RTL4: variants seen among roughly 807,000 people sequenced by gnomAD.
RTL4 encodes the protein retrotransposon Gag-like protein 4.
RTL4 carries 4 observed loss-of-function variants against 5.3 expected under a neutral mutation model. The observed-to-expected ratio is 0.75, with a 90% CI of 0.37 to 1.72. RTL4 has a LOEUF of 1.72. Among genes scored for constraint, RTL4 ranks in the 40% most tolerant of loss-of-function variants. The pLI is 0.04. For missense variants in RTL4, 260 were observed against 227.1 expected (o/e 1.14, Z -0.93); for synonymous variants, 98 against 87.3 (o/e 1.12, Z -0.68).
At chrX:112,264,023 G>C in the RTL4 span, among the ~76,000 whole-genome samples, 1 of 111,527 alleles carries the variant, frequency 9.0e-6, no homozygotes, top group South Asian at 3.8e-4. Flanking sequence ...CCTGATGGAT[G>C]GACTTGATTT....
At chrX:112,085,449 G>A in the RTL4 span, among the ~76,000 whole-genome samples, 1 of 112,139 alleles carries the variant, frequency 8.9e-6, no homozygotes, top group East Asian at 2.8e-4. Context: ...ATGTAACATC[G>A]TAGGTGAAGA....
chrX:112,408,482 G>T, the RTL4 span, among the ~76,000 whole-genome samples: 1 of 101,631 alleles, frequency 9.8e-6, no homozygotes, highest in Non-Finnish European at 2.0e-5. Flanking sequence ...ATAAAAAAAA[G>T]AATTAAAAAA....
chrX:112,169,417 G>A, the RTL4 span, among the ~76,000 whole-genome samples: 1 of 111,194 alleles, frequency 9.0e-6, no homozygotes, highest in Non-Finnish European at 1.9e-5. Flanking sequence ...CCTGGCCCTT[G>A]AATTATTTCT....
At chrX:112,380,745 G>C in the RTL4 span, among the ~76,000 whole-genome samples, 1 of 112,374 alleles carries the variant, frequency 8.9e-6, no homozygotes, top group Non-Finnish European at 1.9e-5. Flanking sequence ...CATCTTCTTA[G>C]CGTCGGGCAG....
At chrX:112,226,600 GATGTAAA>G in the RTL4 span, among the ~76,000 whole-genome samples, 1 of 111,518 alleles carries the variant, frequency 9.0e-6, no homozygotes, top group African/African-American at 3.3e-5. Flanking sequence ...AGTTTTCATA[GATGTAAA>G]ATGGGGGTAA....
At chrX:112,160,715 C>T in the RTL4 span, among the ~76,000 whole-genome samples, 2 of 110,660 alleles carry the variant, frequency 1.8e-5, no homozygotes, top group Admixed American at 9.7e-5. Flanking sequence ...AAGTTTGTTA[C>T]TGAATTAGAA....
At chrX:112,359,403 A>G in the RTL4 span, among the ~76,000 whole-genome samples, 2 of 110,562 alleles carry the variant, frequency 1.8e-5, no homozygotes, top group Non-Finnish European at 3.8e-5. Context: ...CCCACTTTCC[A>G]CCCCCTGACT....
At chrX:112,393,831 T>A in the RTL4 span, among the ~76,000 whole-genome samples, 1 of 111,936 alleles carries the variant, frequency 8.9e-6, no homozygotes, top group African/African-American at 3.3e-5. Flanking sequence ...TACAGACTGT[T>A]GCTGCTCAGC....
the RTL4 span, among the ~76,000 whole-genome samples, chrX:112,181,990 G>T: frequency 9.0e-6 from 1 of 111,579 alleles, no homozygotes; most frequent in Non-Finnish European, 1.9e-5. Flanking sequence ...GAAGGAACAG[G>T]CAGGAATCTT....
At chrX:112,144,828 C>T in the RTL4 span, among the ~76,000 whole-genome samples, 1 of 111,571 alleles carries the variant, frequency 9.0e-6, no homozygotes. Context: ...AAAACCCCTG[C>T]AGCCATTACT....
the RTL4 span, among the ~76,000 whole-genome samples, chrX:112,380,413 A>G: frequency 9.0e-6 from 1 of 111,504 alleles, no homozygotes; most frequent in Non-Finnish European, 1.9e-5. Context: ...CGGCCTCCCA[A>G]AGTGCTGGGA....
At chrX:112,404,207 T>G in the RTL4 span, among the ~76,000 whole-genome samples, 2 of 111,867 alleles carry the variant, frequency 1.8e-5, no homozygotes, top group African/African-American at 6.5e-5. Flanking sequence ...ACATTGAGGA[T>G]GAATTTCAGT....
chrX:112,397,451 T>C, the RTL4 span, among the ~76,000 whole-genome samples: 1 of 111,455 alleles, frequency 9.0e-6, no homozygotes, highest in Non-Finnish European at 1.9e-5. Context: ...CTGTAATTTA[T>C]TTGGAATTCT....
chrX:112,336,237 C>T, the RTL4 span, among the ~76,000 whole-genome samples: 2 of 111,928 alleles, frequency 1.8e-5, no homozygotes, highest in African/African-American at 3.2e-5. Context: ...GTGAATCAAG[C>T]TTGTTGATTG....
chrX:112,316,425 A>G, the RTL4 span, among the ~76,000 whole-genome samples: 1 of 111,681 alleles, frequency 9.0e-6, no homozygotes, highest in East Asian at 2.8e-4. Flanking sequence ...ACTGGATTAG[A>G]TAATCTCTAA....
the RTL4 span, among the ~76,000 whole-genome samples, chrX:112,105,918 T>G: frequency 9.0e-6 from 1 of 111,623 alleles, no homozygotes; most frequent in Non-Finnish European, 1.9e-5. Context: ...AGTTTTATGT[T>G]GAATGGAAGC....
At chrX:112,182,242 A>T in the RTL4 span, among the ~76,000 whole-genome samples, 79 of 112,064 alleles carry the variant, frequency 7.0e-4, no homozygotes, top group Non-Finnish European at 1.4e-3. Context: ...CAGCACAAAA[A>T]GGCTGACAAT....
At chrX:112,276,159 C>A in the RTL4 span, among the ~76,000 whole-genome samples, 1 of 111,944 alleles carries the variant, frequency 8.9e-6, no homozygotes, top group Non-Finnish European at 1.9e-5. Context: ...ACCACTCAAC[C>A]TTTTGACAGC....
the RTL4 span, among the ~76,000 whole-genome samples, chrX:112,383,471 C>T: frequency 8.9e-6 from 1 of 112,084 alleles, no homozygotes; most frequent in Non-Finnish European, 1.9e-5. Flanking sequence ...TTCAATGTGC[C>T]TTTACCTTGT....
Sources: gnomAD v4.1 joint callset for allele counts (sites outside exome capture counted in the v4.1 genomes callset) on GRCh38, gnomAD v4.1.1 for gene constraint, MANE v1.5 for transcripts, NCBI Gene and HGNC (gene_info 2026-07-23, HGNC 2026-07-21) for gene names.